The following PODN variants were observed in gnomAD, a reference collection of about 807,000 sequenced individuals.
The protein encoded by PODN is podocan, also known as podocan proteoglycan.
Under a neutral mutation model 52.7 loss-of-function variants are expected in PODN, and 40 were observed. That is an observed-to-expected ratio of 0.76 (90% CI 0.59 to 0.99). The LOEUF (loss-of-function observed/expected upper bound fraction) is 0.99, where lower values mean the gene tolerates loss of function less well. Among genes scored for constraint, PODN ranks in the 50% least tolerant of loss-of-function variants. PODN has a pLI of 0.00. For synonymous variants in PODN, 396 were observed against 377.9 expected, an observed-to-expected ratio of 1.05 and a Z score of -0.56; for missense variants, 720 against 815.1, an observed-to-expected ratio of 0.88 and a Z score of 1.42.
chr1:53,081,026 C>A, intron 9 of PODN, 150 bp downstream of exon 9: 1 of 1,087,202 alleles, frequency 9.2e-7, no homozygotes, highest in Non-Finnish European at 1.3e-6. Context: ...CCTGGCCAGG[C>A]CCGATATGGT....
chr1:53,083,062 C>T (rs1305818774), intron 10 of PODN, among the ~76,000 whole-genome samples: 2 of 152,180 alleles, frequency 1.3e-5, no homozygotes, highest in Non-Finnish European at 2.9e-5. Context: ...CTGACCACTG[C>T]GGAGCGCCCA....
In PODN at chr1:53,075,894, C is replaced by T. The variant is rs1256386554; in HGVS notation, c.504C>T (p.Ala168=). The T allele has an allele frequency of 6.2e-7, 1 of 1,605,802 alleles. No homozygotes were observed. The highest frequency in any genetic ancestry group is 1.7e-5 in the Admixed American group (1 of 59,334). The change falls in exon 5 of 11, where the codon GCC becomes GCT. Residue 168 remains alanine, a synonymous_variant. Transcript: ENST00000312553. ...TGGCACCCCGCTTCCTGCCAAACGCCCTGATCAGTGTGGACTTTGCTGCCA... is the reference window on the plus strand; with the variant it reads ...TGGCACCCCGCTTCCTGCCAAACGCTCTGATCAGTGTGGACTTTGCTGCCA... ...LTLAPRFLPN[A]LISVDFAANY...
At chr1:53,084,038 GAA>G (rs1644329484) in intron 10 of PODN, among the ~76,000 whole-genome samples, 1 of 152,146 alleles carries the variant, frequency 6.6e-6, no homozygotes, top group Non-Finnish European at 1.5e-5. Context: ...GATGGTGAGA[GAA>G]GAGTGTGCAC....
Position 53,077,766 on chromosome 1 carries a change from C to T in PODN, c.820C>T (p.Leu274=). The change falls in exon 7 of 11, where the codon CTG becomes TTG. Residue 274 remains leucine, a synonymous_variant. Transcript: ENST00000312553. ...LRELYLQNNY[L]TDEGLDNETF... ...CGAGCTATACCTGCAGAACAACTAC[C>T]TGACTGACGAGGGCCTGGACAACGA... 6.2e-7 allele frequency: 1 copy of T among 1,613,756 alleles called. No homozygotes were observed. Among genetic ancestry groups the T allele is most frequent in the Non-Finnish European group, 8.5e-7 (1 of 1,179,968 alleles).
At chr1:53,063,674 C>A in intron 1 of PODN, 1 of 700,014 alleles carries the variant, frequency 1.4e-6, no homozygotes, top group Non-Finnish European at 1.8e-6. Context: ...CTACTCTAGC[C>A]TAGAGTGCAA....
intron 1 of PODN, among the ~76,000 whole-genome samples, chr1:53,066,169 G>T (rs771658896): frequency 2.0e-5 from 3 of 151,618 alleles, no homozygotes; most frequent in Non-Finnish European, 2.9e-5. Context: ...CTAATTTTTT[G>T]TATTTTTTAG....
intron 1 of PODN, among the ~76,000 whole-genome samples, chr1:53,066,450 T>C (rs919160355): frequency 1.3e-5 from 2 of 152,236 alleles, no homozygotes; most frequent in Non-Finnish European, 2.9e-5. Flanking sequence ...ACGACATCTT[T>C]GAGATCTATG....
chr1:53,070,305 T>G (rs1644099547), intron 2 of PODN, 138 bp downstream of exon 2: 1 of 1,356,920 alleles, frequency 7.4e-7, no homozygotes, highest in African/African-American at 1.5e-5. Context: ...AACCACAGGG[T>G]GCTGGGGCAG....
rs766075943 is a variant in PODN at position 53,069,811 on chromosome 1, C to A, written c.-45C>A. ...CACTGTACCTCACAGGTTCCGTCAGCCCTGGCGCCCAGGCGCATCTGACTC... is the reference window on the plus strand; with the variant it reads ...CACTGTACCTCACAGGTTCCGTCAGACCTGGCGCCCAGGCGCATCTGACTC... On this transcript the variant is annotated 5_prime_UTR_variant, in exon 2 of 11. Coordinates refer to ENST00000312553, the MANE Select transcript of PODN (RefSeq NM_153703.5). 6.3e-7 allele frequency: 1 copy of A among 1,581,336 alleles called. No individual in the cohort carries two copies. Among genetic ancestry groups the A allele is most frequent in the African/African-American group, 1.3e-5 (1 of 74,302 alleles).
At position 53,084,543 on chromosome 1, in the gene PODN, C is replaced by G. The variant is rs544366722; in HGVS notation, c.*58C>G. On this transcript the variant is annotated 3_prime_UTR_variant, in exon 11 of 11. Transcript: ENST00000312553. ...TGGACCGCCGGACTCTTTTCTGCAG[C>G]ACACGCCTGTGTGCTGTGAGCCCCC... 6.6e-6 allele frequency: 1 copy of G among 152,392 alleles called. No individual in the cohort carries two copies. Among genetic ancestry groups the G allele is most frequent in the Non-Finnish European group, 1.5e-5 (1 of 68,228 alleles). The allele number at this position is 152,392 out of a possible 1,614,324, so 9.4% of individuals were successfully genotyped here. A position where few individuals can be genotyped will look rare whatever the true frequency, so the allele number is the denominator to read the frequency against.
Position 53,080,884 on chromosome 1 carries a change from C to G in PODN, c.1661+8C>G, listed in dbSNP as rs778317270. 1 of 1,613,556 alleles carries G rather than the reference C, an allele frequency of 6.2e-7. No individual in the cohort carries two copies. The highest frequency in any genetic ancestry group is 1.1e-5 in the South Asian group (1 of 91,054). Reference sequence around the variant, plus strand: ...CAAGGGGATCTTTCTCAGGTAGGAGCCCACTCGCGGCCCTGTACACACCCC... The same window carrying G: ...CAAGGGGATCTTTCTCAGGTAGGAGGCCACTCGCGGCCCTGTACACACCCC... On this transcript the variant is annotated splice_region_variant and intron_variant, in intron 9 of 10. Transcript: ENST00000312553.
chr1:53,068,475 G>C (rs1187314355), intron 1 of PODN, among the ~76,000 whole-genome samples: 1 of 152,210 alleles, frequency 6.6e-6, no homozygotes, highest in Non-Finnish European at 1.5e-5. Flanking sequence ...TGCTCACTTA[G>C]TGCAGCATGT....
chr1:53,066,026 C>G (rs12081696), intron 1 of PODN, among the ~76,000 whole-genome samples: 1 of 126,176 alleles, frequency 7.9e-6, no homozygotes, highest in African/African-American at 3.5e-5. Context: ...GAGACGGTCT[C>G]ACTCTGTTAC....
At chr1:53,077,545 G>A (rs1572272074) in intron 6 of PODN, 140 bp from the exon 7 acceptor site, 1 of 1,127,392 alleles carries the variant, frequency 8.9e-7, no homozygotes, top group East Asian at 2.4e-5. Flanking sequence ...GTGTGGCGTT[G>A]GTGGCCCCAC....
chr1:53,063,029 C>T (rs1301755164), intron 1 of PODN, among the ~76,000 whole-genome samples: 2 of 152,186 alleles, frequency 1.3e-5, no homozygotes, highest in East Asian at 3.9e-4. Context: ...GCGAGATCCG[C>T]GCCTTCCTGC....
chr1:53,072,093 T>G (rs995166802), intron 3 of PODN, among the ~76,000 whole-genome samples: 11 of 148,102 alleles, frequency 7.4e-5, no homozygotes, highest in African/African-American at 2.7e-4. Flanking sequence ...AAATAAAAAA[T>G]AAAATAATAT....
At chr1:53,063,540 C>T in intron 1 of PODN, 2 of 985,558 alleles carry the variant, frequency 2.0e-6, no homozygotes, top group Non-Finnish European at 2.4e-6. Context: ...GGCTGATCTG[C>T]AGGCGCACAG....
intron 5 of PODN, among the ~76,000 whole-genome samples, chr1:53,076,538 T>C (rs2150301583): frequency 6.6e-6 from 1 of 152,324 alleles, no homozygotes; most frequent in South Asian, 2.1e-4. Flanking sequence ...GTTCCTTGTC[T>C]TCCCTCCTTC....
At chr1:53,075,265 C>T (rs1038643617) in intron 4 of PODN, among the ~76,000 whole-genome samples, 6 of 152,198 alleles carry the variant, frequency 3.9e-5, no homozygotes, top group Admixed American at 2.0e-4. Flanking sequence ...TTCCCCTAGA[C>T]ATCCAGTGGA....
Sources: gnomAD v4.1 joint callset for allele counts (sites outside exome capture counted in the v4.1 genomes callset) on GRCh38, gnomAD v4.1.1 for gene constraint, MANE v1.5 for transcripts, NCBI Gene and HGNC (gene_info 2026-07-23, HGNC 2026-07-21) for gene names.